The following PIWIL1 variants were observed in gnomAD, a reference collection of about 807,000 sequenced individuals.
PIWIL1 encodes piwi like RNA-mediated gene silencing 1, also known as piwi-like protein 1.
Under a neutral mutation model 114.4 loss-of-function variants are expected in PIWIL1, and 73 were observed. That is an observed-to-expected ratio of 0.64 (90% CI 0.53 to 0.78). PIWIL1 has a LOEUF of 0.78. PIWIL1 is among the 30% of genes least tolerant of loss of function. PIWIL1 has a pLI of 0.00. For missense variants in PIWIL1, 723 were observed against 1,063.1 expected (o/e 0.68, Z 4.45); for synonymous variants, 375 against 369.0 (o/e 1.02, Z -0.19).
At chr12:130,344,844 T>C (rs2073028623) in intron 3 of PIWIL1, among the ~76,000 whole-genome samples, 1 of 152,220 alleles carries the variant, frequency 6.6e-6, no homozygotes, top group African/African-American at 2.4e-5. Flanking sequence ...TCCTGCAATT[T>C]CTGCTTAAGT....
chr12:130,388,030 A>G, the PIWIL1 span, among the ~76,000 whole-genome samples: 1 of 152,206 alleles, frequency 6.6e-6, no homozygotes, highest in Non-Finnish European at 1.5e-5. Flanking sequence ...TGCATGGTCT[A>G]AAATAAGGGA....
chr12:130,401,684 T>C, the PIWIL1 span, among the ~76,000 whole-genome samples: 8 of 152,096 alleles, frequency 5.3e-5, no homozygotes, highest in Admixed American at 6.6e-5. Flanking sequence ...TTACTGTGCA[T>C]GTGCCCCTGG....
At chr12:130,382,110 G>A in the PIWIL1 span, among the ~76,000 whole-genome samples, 9 of 152,216 alleles carry the variant, frequency 5.9e-5, no homozygotes, top group African/African-American at 9.6e-5. Flanking sequence ...CAGGTTAGGT[G>A]GCACTTAGTT....
rs372451593 is a variant in PIWIL1, at chr12:130,367,226, A to G, written c.2289A>G (p.Thr763=). The change falls in exon 19 of 21, where the codon ACA becomes ACG. Residue 763 remains threonine (T), a synonymous_variant. Coordinates refer to ENST00000245255, the MANE Select transcript of PIWIL1 (RefSeq NM_004764.5). ...GACTTCAGAATCCACTTCCTGGAAC[A>G]GTTATTGATGTAGAGGTTACCAGAC... ...GGRLQNPLPG[T]VIDVEVTRPE... 3.1e-6 allele frequency: 5 copies of G among 1,614,158 alleles called. No homozygotes were observed. In the African/African-American group the frequency reaches 5.3e-5, roughly 17 times the overall value.
At chr12:130,404,361 G>C in the PIWIL1 span, among the ~76,000 whole-genome samples, 3 of 152,156 alleles carry the variant, frequency 2.0e-5, no homozygotes, top group Non-Finnish European at 4.4e-5. Flanking sequence ...GCAATGGCAT[G>C]ATCTCAGCTC....
In PIWIL1 at chr12:130,357,832, A is replaced by AGT. The variant is rs2073405917; in HGVS notation, c.1665+279_1665+280insGT. ...CCCAAAGGCTTTACTTAGTCTAGAA[A>AGT]ATTTGGAAAATACAGAAAAGCACAG... is the stretch of plus-strand genomic sequence containing the variant. On this transcript the variant is annotated intron_variant, in intron 14 of 20. Transcript: ENST00000245255. Among the ~76,000 whole-genome samples, 3 of 152,220 alleles carry AGT rather than the reference A, an allele frequency of 2.0e-5. No individual in the cohort carries two copies. In the South Asian group the frequency reaches 6.2e-4, roughly 32 times the overall value.
chr12:130,362,939 C>T (rs771318164), intron 17 of PIWIL1, 52 bp from the exon 18 acceptor site: 151 of 1,611,230 alleles, frequency 9.4e-5, no homozygotes, highest in Non-Finnish European at 1.2e-4. Flanking sequence ...GAAGAACAGA[C>T]GAGTTGTGTC....
chr12:130,389,817 T>G, the PIWIL1 span, among the ~76,000 whole-genome samples: 1 of 152,232 alleles, frequency 6.6e-6, no homozygotes, highest in African/African-American at 2.4e-5. Context: ...TTAGTGTGTC[T>G]TTTCTCGTAT....
intron 1 of PIWIL1, among the ~76,000 whole-genome samples, chr12:130,340,367 T>C (rs186345165): frequency 6.6e-6 from 1 of 152,108 alleles, no homozygotes; most frequent in Non-Finnish European, 1.5e-5. Context: ...AGACAATTTT[T>C]CCACGGACCG....
At chr12:130,400,343 T>C in the PIWIL1 span, among the ~76,000 whole-genome samples, 1 of 152,186 alleles carries the variant, frequency 6.6e-6, no homozygotes, top group East Asian at 1.9e-4. Context: ...ATTCAAACAA[T>C]ATGGAGAAAA....
intron 18 of PIWIL1, among the ~76,000 whole-genome samples, chr12:130,363,819 C>T (rs930562418): frequency 2.0e-5 from 3 of 151,784 alleles, no homozygotes; most frequent in African/African-American, 7.3e-5. Context: ...GGTTTCACCA[C>T]GTTTGCCAAG....
intron 9 of PIWIL1, among the ~76,000 whole-genome samples, chr12:130,353,390 T>G (rs1302551325): frequency 1.3e-5 from 2 of 151,144 alleles, no homozygotes; most frequent in African/African-American, 4.9e-5. Flanking sequence ...GGTGTGTGGT[T>G]TTTTTGTTCT....
the PIWIL1 span, chr12:130,422,481 C>A: frequency 1.2e-6 from 2 of 1,612,746 alleles, no homozygotes; most frequent in African/African-American, 2.7e-5. This position sits in a 1 kb window ranked among gnomAD's most constrained non-coding sequence, Gnocchi z 5.2. Context: ...CGGGCCGGGA[C>A]CTCTGAGGAC....
At chr12:130,360,689 C>T (rs1412979107) in intron 14 of PIWIL1, among the ~76,000 whole-genome samples, 2 of 152,158 alleles carry the variant, frequency 1.3e-5, no homozygotes, top group African/African-American at 4.8e-5. Context: ...AGAATTGGGG[C>T]AGGGGCATGT....
chr12:130,361,272 G>A lies in PIWIL1; in HGVS notation c.1758G>A (p.Val586=). ...CTDCPTPSQC[V]VARTLGKQQT... is the part of the protein sequence containing the mutation. ...ATTGCCCTACCCCAAGTCAGTGTGT[G>A]GTGGCCCGAACCTTAGGCAAACAGC... Residue 586 remains valine, a synonymous_variant, in exon 15 of 21, where the codon GTG becomes GTA. Coordinates refer to ENST00000245255, the MANE Select transcript of PIWIL1 (RefSeq NM_004764.5). The A allele has an allele frequency of 6.2e-7, 1 of 1,614,030 alleles. No individual in the cohort carries two copies. Among genetic ancestry groups the A allele is most frequent in the Non-Finnish European group, 8.5e-7 (1 of 1,179,968 alleles).
chr12:130,398,690 C>G, the PIWIL1 span: 1 of 152,588 alleles, frequency 6.6e-6, no homozygotes, highest in African/African-American at 2.4e-5. Context: ...ACTCGATCAC[C>G]TGTGTTCACT....
chr12:130,418,753 C>G, the PIWIL1 span, among the ~76,000 whole-genome samples: 11 of 152,250 alleles, frequency 7.2e-5, no homozygotes, highest in African/African-American at 2.4e-4. Flanking sequence ...CTATAGCCTA[C>G]GTAAGAGTGC....
At chr12:130,409,412 G>A in the PIWIL1 span, among the ~76,000 whole-genome samples, 44 of 126,948 alleles carry the variant, frequency 3.5e-4, no homozygotes, top group African/African-American at 6.6e-4. Context: ...GCGCGATCCC[G>A]GCTCACTGCA....
rs2072758446 is a variant in PIWIL1, at chr12:130,338,075, G to A, written c.-84G>A. On this transcript the variant is annotated 5_prime_UTR_variant, in exon 1 of 21. Transcript: ENST00000245255. ...GTCGGCGGCGCGGAGGGATCTCCGC[G>A]GGAGCCGTTGGGGCTGTTGGCCTCG... is the stretch of plus-strand genomic sequence containing the variant. The A allele has an allele frequency of 1.0e-5, 2 of 197,760 alleles. No individual in the cohort carries two copies. Among genetic ancestry groups the A allele is most frequent in the Non-Finnish European group, 1.0e-5 (1 of 97,274 alleles). 12.3% of individuals were successfully genotyped at this position (197,760 alleles called of 1,614,324 possible). A position where few individuals can be genotyped will look rare whatever the true frequency, so the allele number is the denominator to read the frequency against.
Sources: allele counts gnomAD v4.1 joint callset (sites outside exome capture counted in the v4.1 genomes callset), GRCh38; gene constraint gnomAD v4.1.1; non-coding constraint Gnocchi (gnomAD v3.1); transcripts MANE v1.5; gene names NCBI Gene and HGNC (gene_info 2026-07-23, HGNC 2026-07-21).